PI15: variants seen among roughly 807,000 people sequenced by gnomAD.
PI15 encodes the protein 25 kDa trypsin inhibitor.
PI15 carries 18 observed loss-of-function variants against 31.0 expected under a neutral mutation model. The ratio of observed to expected loss-of-function variants is 0.58; its 90% CI spans 0.40 to 0.86. The LOEUF (loss-of-function observed/expected upper bound fraction) is 0.86, where lower values mean the gene tolerates loss of function less well. PI15 is among the 40% of genes least tolerant of loss of function. PI15 has a pLI of 0.00. For synonymous variants in PI15, 118 were observed against 119.1 expected, an observed-to-expected ratio of 0.99 and a Z score of 0.06; for missense variants, 282 against 328.1, an observed-to-expected ratio of 0.86 and a Z score of 1.09.
chr8:74,850,619 A>G lies in PI15; in HGVS notation c.*1366A>G, dbSNP rs1811092256. On this transcript the variant is annotated 3_prime_UTR_variant, in exon 6 of 6. Transcript: ENST00000260113. ...ATTTTGTTAAAGTAGCCTTCTTCAGATGCTTTTCTAAGGGCTAGTTACCAA... is the reference window on the plus strand; with the variant it reads ...ATTTTGTTAAAGTAGCCTTCTTCAGGTGCTTTTCTAAGGGCTAGTTACCAA... 2 of 152,182 alleles carry G rather than the reference A, an allele frequency of 1.3e-5. No individual in the cohort carries two copies. The highest frequency in any genetic ancestry group is 2.1e-4 in the South Asian group (1 of 4,832). 9.4% of individuals were successfully genotyped at this position (152,182 alleles called of 1,614,324 possible).
chr8:74,846,687 TGAA>T (rs1306665958), intron 5 of PI15, among the ~76,000 whole-genome samples: 1 of 152,134 alleles, frequency 6.6e-6, no homozygotes, highest in Non-Finnish European at 1.5e-5. Flanking sequence ...AACTAAGTAA[TGAA>T]GAAGGTTTTA....
chr8:74,840,865 C>T (rs565666740), intron 2 of PI15, among the ~76,000 whole-genome samples: 1 of 152,280 alleles, frequency 6.6e-6, no homozygotes, highest in Non-Finnish European at 1.5e-5. Flanking sequence ...TAACTACCTT[C>T]TCCAATATAT....
At chr8:74,837,980 T>C (rs991432646) in intron 2 of PI15, among the ~76,000 whole-genome samples, 1 of 152,146 alleles carries the variant, frequency 6.6e-6, no homozygotes, top group Non-Finnish European at 1.5e-5. Context: ...ACTTTATGAA[T>C]TTTTGTTCTT....
rs1811103822 is a variant in PI15 at position 74,851,533 on chromosome 8, T to C, written c.*2280T>C. On this transcript the variant is annotated 3_prime_UTR_variant, in exon 6 of 6. Coordinates refer to ENST00000260113, the MANE Select transcript of PI15 (RefSeq NM_015886.5). ...TGAATATTAAAATTATCATTAATAA[T>C]ATAAAACACTTATTTGAGATTAAAT... is the stretch of plus-strand genomic sequence containing the variant. 6.6e-6 allele frequency: 1 copy of C among 152,048 alleles called. No individual in the cohort carries two copies. Among genetic ancestry groups the C allele is most frequent in the Admixed American group, 6.6e-5 (1 of 15,260 alleles). 9.4% of individuals were successfully genotyped at this position (152,048 alleles called of 1,614,324 possible). A position where few individuals can be genotyped will look rare whatever the true frequency, so the allele number is the denominator to read the frequency against.
intron 2 of PI15, among the ~76,000 whole-genome samples, chr8:74,842,245 A>G (rs1304337495): frequency 6.6e-6 from 1 of 152,154 alleles, no homozygotes; most frequent in East Asian, 1.9e-4. Context: ...AGGACAAAAA[A>G]GATCAATAGG....
rs537817371 is a variant in PI15, at chr8:74,849,815, A to G, written c.*562A>G. The G allele has an allele frequency of 2.0e-5, 3 of 152,316 alleles. No individual in the cohort carries two copies. The highest frequency in any genetic ancestry group is 7.2e-5 in the African/African-American group (3 of 41,588). The allele number at this position is 152,316 out of a possible 1,614,324, so 9.4% of individuals were successfully genotyped here. ...TAAAATAACACTTAGTGATATCTGG[A>G]AATAATAATTCAATTAAGCAACCAC... On this transcript the variant is annotated 3_prime_UTR_variant, in exon 6 of 6. Transcript: ENST00000260113.
intron 2 of PI15, among the ~76,000 whole-genome samples, chr8:74,839,490 C>T (rs1280779991): frequency 2.0e-5 from 3 of 152,034 alleles, no homozygotes; most frequent in Non-Finnish European, 4.4e-5. Flanking sequence ...TAATGTATAA[C>T]TTCTAGTGGG....
At chr8:74,830,732 C>A (rs1240338633) in intron 2 of PI15, among the ~76,000 whole-genome samples, 1 of 151,780 alleles carries the variant, frequency 6.6e-6, no homozygotes, top group Non-Finnish European at 1.5e-5. Flanking sequence ...AGCCATATAC[C>A]GTCCCACAAG....
In PI15 at chr8:74,852,706, T is replaced by C. The variant is rs1215211010; in HGVS notation, c.*3453T>C. On this transcript the variant is annotated 3_prime_UTR_variant, in exon 6 of 6. Transcript: ENST00000260113. ...TATATACCTATGTGAAACCAACTTA[T>C]CTGCATAATTAAATCTAATACATAT... The C allele has an allele frequency of 6.6e-6, 1 of 152,162 alleles. No individual in the cohort carries two copies. The highest frequency in any genetic ancestry group is 1.5e-5 in the Non-Finnish European group (1 of 67,978). The allele number at this position is 152,162 out of a possible 1,614,324, so 9.4% of individuals were successfully genotyped here.
At chr8:74,842,727 T>C (rs1383774937) in intron 2 of PI15, among the ~76,000 whole-genome samples, 1 of 152,188 alleles carries the variant, frequency 6.6e-6, no homozygotes. Context: ...CTAATATGAA[T>C]GTATGTTAAA....
rs529529830 is a variant in PI15 at position 74,825,316 on chromosome 8, G to A, written c.67G>A (p.Val23Ile). The change falls in exon 2 of 6, where the codon GTC becomes ATC. Residue 23 changes from valine to isoleucine, a missense_variant. Val to Ile is a conservative substitution (Grantham distance 29). Transcript: ENST00000260113. ...FSLLCEASTVVLLNSTDSSPP... is the reference protein window; with the variant it reads ...FSLLCEASTVILLNSTDSSPP... ...CCTTCTCTGTGAAGCAAGTACCGTC[G>A]TCCTACTCAATTCCACTGACTCATC... The A allele has an allele frequency of 1.4e-5, 22 of 1,612,992 alleles. No individual in the cohort carries two copies. The highest frequency in any genetic ancestry group is 1.7e-5 in the Non-Finnish European group (20 of 1,179,432).
At chr8:74,846,808 G>C (rs530893750) in intron 5 of PI15, among the ~76,000 whole-genome samples, 2 of 152,018 alleles carry the variant, frequency 1.3e-5, no homozygotes, top group Non-Finnish European at 2.9e-5. Context: ...GAGAAAGAGA[G>C]AGAGGAGGAG....
In PI15 at chr8:74,844,050, TCTTA is replaced by T; in HGVS notation, c.350_353del (p.Leu117Ter). On this transcript the variant is annotated frameshift_variant, in exon 3 of 6. Coordinates refer to ENST00000260113, the MANE Select transcript of PI15 (RefSeq NM_015886.5). LOFTEE classifies it high-confidence loss of function. Reference sequence around the variant, plus strand: ...TACTTGCATTTGGGACCATGGACCTTCTTACTTACTGAGATTTTTGGGCCAAAAT... The same window carrying T: ...TACTTGCATTTGGGACCATGGACCTTCTTACTGAGATTTTTGGGCCAAAAT... 1.9e-6 allele frequency: 3 copies of T among 1,607,438 alleles called. No homozygotes were observed. The highest frequency in any genetic ancestry group is 2.6e-6 in the Non-Finnish European group (3 of 1,173,838).
At chr8:74,834,092 A>C (rs2128764205) in intron 2 of PI15, among the ~76,000 whole-genome samples, 1 of 152,270 alleles carries the variant, frequency 6.6e-6, no homozygotes, top group South Asian at 2.1e-4. Flanking sequence ...TTTCATCTCA[A>C]AATCATCCCT....
intron 2 of PI15, among the ~76,000 whole-genome samples, chr8:74,833,369 C>T (rs981858118): frequency 4.0e-5 from 6 of 151,846 alleles, no homozygotes; most frequent in Non-Finnish European, 7.4e-5. Flanking sequence ...AAAATGTTCT[C>T]TAATTTTCAG....
At chr8:74,846,791 GGAGA>G (rs528770016) in intron 5 of PI15, among the ~76,000 whole-genome samples, 17 of 151,500 alleles carry the variant, frequency 1.1e-4, no homozygotes, top group Non-Finnish European at 1.8e-4. Context: ...AAAGAGAGAC[GGAGA>G]GAGAGAAAGA....
At position 74,854,999 on chromosome 8, in the gene PI15, GT is replaced by G. The variant is rs1396176572; in HGVS notation, c.*5752del. 1 of 149,554 alleles carries G rather than the reference GT, an allele frequency of 6.7e-6. No individual in the cohort carries two copies. The highest frequency in any genetic ancestry group is 2.5e-5 in the African/African-American group (1 of 40,018). 9.3% of individuals were successfully genotyped at this position (149,554 alleles called of 1,614,324 possible). ...GTAGCTTTTTAAAGTCCATTGTATT[GT>G]TTTTTCTTTCAATAAAAGAGTATAA... is the stretch of plus-strand genomic sequence containing the variant. On this transcript the variant is annotated 3_prime_UTR_variant, in exon 6 of 6. Coordinates refer to ENST00000260113, the MANE Select transcript of PI15 (RefSeq NM_015886.5).
chr8:74,838,305 G>C (rs192230512), intron 2 of PI15, among the ~76,000 whole-genome samples: 55 of 151,864 alleles, frequency 3.6e-4, no homozygotes, highest in African/African-American at 1.1e-3. Context: ...GAAAATGTAG[G>C]ACTAACATGT....
At chr8:74,827,692 T>C (rs16938970) in intron 2 of PI15, among the ~76,000 whole-genome samples, 14,654 of 152,260 alleles carry the variant, frequency 0.096, 866 homozygotes, top group African/African-American at 0.17. Flanking sequence ...ATTGAGGAAA[T>C]GCCCCATGGC....
Sources: allele counts gnomAD v4.1 joint callset (sites outside exome capture counted in the v4.1 genomes callset), GRCh38; gene constraint gnomAD v4.1.1; transcripts MANE v1.5; gene names NCBI Gene and HGNC (gene_info 2026-07-23, HGNC 2026-07-21).